Variants in CFI observed in about 807,000 individuals in gnomAD.
The protein encoded by CFI is complement factor I, also known as C3B/C4B inactivator.
Under a neutral mutation model 78.8 loss-of-function variants are expected in CFI, and 66 were observed. The observed-to-expected ratio is 0.84, with a 90% CI of 0.69 to 1.03. The LOEUF (loss-of-function observed/expected upper bound fraction) is 1.03, where lower values mean the gene tolerates loss of function less well. Among genes scored for constraint, CFI ranks in the 50% least tolerant of loss-of-function variants. The probability of loss-of-function intolerance (pLI) is 0.00; values close to 1 mark genes in which losing one functional copy is unlikely to be tolerated. For synonymous variants in CFI, 250 were observed against 232.6 expected (o/e 1.07, Z -0.68); for missense variants, 706 against 704.5 (o/e 1.00, Z -0.02).
At chr4:109,777,427 G>A (rs1041571986) in intron 1 of CFI, among the ~76,000 whole-genome samples, 3 of 152,276 alleles carry the variant, frequency 2.0e-5, no homozygotes, top group Admixed American at 6.5e-5. Flanking sequence ...AACAAGAAGA[G>A]CTAACTATCC....
intron 1 of CFI, among the ~76,000 whole-genome samples, chr4:109,792,796 A>T (rs949590823): frequency 6.6e-6 from 1 of 152,072 alleles, no homozygotes; most frequent in Non-Finnish European, 1.5e-5. Context: ...TAGCCACTTT[A>T]GCTCTTTTTT....
At chr4:109,763,144 A>G (rs1443621390) in intron 3 of CFI, among the ~76,000 whole-genome samples, 1 of 152,166 alleles carries the variant, frequency 6.6e-6, no homozygotes, top group Non-Finnish European at 1.5e-5. Context: ...CTGAGTAAGC[A>G]TTGCCTTAAT....
intron 3 of CFI, chr4:109,762,403 ATT>A (rs1727197259): frequency 6.6e-6 from 1 of 152,192 alleles, no homozygotes; most frequent in Non-Finnish European, 1.5e-5. Context: ...TCTGTGTGCC[ATT>A]GCTTGGACTT....
At chr4:109,758,680 G>A (rs1270498203) in intron 6 of CFI, among the ~76,000 whole-genome samples, 2 of 152,184 alleles carry the variant, frequency 1.3e-5, no homozygotes, top group Admixed American at 1.3e-4. Flanking sequence ...AAGATTGTGG[G>A]GCACTTTGAA....
At position 109,766,732 on chromosome 4, in the gene CFI, T is replaced by A; in HGVS notation, c.150A>T (p.Pro50=). 1.2e-6 allele frequency: 2 copies of A among 1,614,074 alleles called. No homozygotes were observed. The highest frequency in any genetic ancestry group is 1.7e-6 in the Non-Finnish European group (2 of 1,179,914). Residue 50 remains proline (P), a synonymous_variant, in exon 2 of 13, where the codon CCA becomes CCT. Transcript: ENST00000394634. ...AGGTGCCCTCAATGCATCTCTGCCA[T>A]GGCTGGCAGAAGACTTTATCGCAGG... is the stretch of plus-strand genomic sequence containing the variant. ...HLSCDKVFCQ[P]WQRCIEGTCV... is the part of the protein sequence containing the mutation.
chr4:109,784,106 G>T (rs1034006841), intron 1 of CFI, among the ~76,000 whole-genome samples: 3 of 151,660 alleles, frequency 2.0e-5, no homozygotes, highest in African/African-American at 7.3e-5. Context: ...GGTGATGGGT[G>T]CACCAAAATC....
intron 4 of CFI, 94 bp downstream of exon 4, chr4:109,761,423 G>T: frequency 8.2e-7 from 1 of 1,217,352 alleles, no homozygotes; most frequent in Non-Finnish European, 1.2e-6. Context: ...CTCTGTGACT[G>T]GCAACGAGGC....
rs539025294 is a variant in CFI, at chr4:109,786,041, T to TAA, written c.57+15872_57+15873dup. On this transcript the variant is annotated intron_variant, in intron 1 of 12. Coordinates refer to ENST00000394634, the MANE Select transcript of CFI (RefSeq NM_000204.5). ...TACAATGGGCTTTTAAAAAATTCTTTAAAAAAAAAACAAAAAAAACCAAAG... is the reference window on the plus strand; with the variant it reads ...TACAATGGGCTTTTAAAAAATTCTTTAAAAAAAAAAAACAAAAAAAACCAAAG... Among the ~76,000 whole-genome samples the TAA allele has an allele frequency of 2.0e-5, 3 of 147,930 alleles. No homozygotes were observed. In the East Asian group the frequency reaches 5.9e-4, roughly 29 times the overall value.
At chr4:109,736,080 CACTCCACT>C (rs199638721), downstream of CFI, among the ~76,000 whole-genome samples, 485 of 152,342 alleles carry the variant, frequency 3.2e-3, 25 homozygotes, top group South Asian at 0.054. Flanking sequence ...TTATGACCTT[CACTCCACT>C]ACTTAGATAA....
intron 6 of CFI, among the ~76,000 whole-genome samples, chr4:109,758,118 G>A (rs1207783169): frequency 6.6e-6 from 1 of 152,046 alleles, no homozygotes; most frequent in African/African-American, 2.4e-5. Context: ...GTAAACTGAA[G>A]TAACAATGAT....
chr4:109,797,819 A>G (rs1732254444), intron 1 of CFI, among the ~76,000 whole-genome samples: 1 of 152,224 alleles, frequency 6.6e-6, no homozygotes, highest in African/African-American at 2.4e-5. Flanking sequence ...AAAGGTGTTT[A>G]ATATCACTAA....
intron 1 of CFI, among the ~76,000 whole-genome samples, chr4:109,789,857 T>C (rs1385174172): frequency 8.5e-5 from 13 of 152,122 alleles, no homozygotes; most frequent in Admixed American, 8.5e-4. Flanking sequence ...TTCCCTCCTC[T>C]TTACCTTTTG....
chr4:109,768,828 A>G (rs940611396), intron 1 of CFI, among the ~76,000 whole-genome samples: 25 of 152,228 alleles, frequency 1.6e-4, no homozygotes, highest in African/African-American at 5.8e-4. Flanking sequence ...ACCATGCAAA[A>G]CCTTGCAAGG....
chr4:109,752,752 T>C (rs984433396), intron 7 of CFI, among the ~76,000 whole-genome samples: 6 of 149,828 alleles, frequency 4.0e-5, no homozygotes, highest in African/African-American at 1.5e-4. Flanking sequence ...TTGGTACTAG[T>C]GAATGTTGAG....
chr4:109,781,623 G>A (rs555372512), intron 1 of CFI, among the ~76,000 whole-genome samples: 49 of 152,092 alleles, frequency 3.2e-4, no homozygotes, highest in African/African-American at 1.0e-3. Context: ...TATTCCACAA[G>A]ATAGAGAAAG....
chr4:109,798,047 T>C (rs982565015), intron 1 of CFI, among the ~76,000 whole-genome samples: 1 of 152,162 alleles, frequency 6.6e-6, no homozygotes, highest in African/African-American at 2.4e-5. Flanking sequence ...TGGATGAACC[T>C]AGAGGACATT....
chr4:109,796,416 G>A (rs1482926691), intron 1 of CFI, among the ~76,000 whole-genome samples: 2 of 152,154 alleles, frequency 1.3e-5, no homozygotes, highest in Non-Finnish European at 2.9e-5. Flanking sequence ...ATGATAAACA[G>A]CAACACTAAA....
chr4:109,763,940 C>T (rs7674237), intron 3 of CFI, among the ~76,000 whole-genome samples: 144,873 of 149,232 alleles, frequency 0.97, 70,460 homozygotes, highest in Non-Finnish European at 1. Flanking sequence ...AGAAGATATT[C>T]TGAACCAAAC....
intron 1 of CFI, among the ~76,000 whole-genome samples, chr4:109,789,616 C>A (rs750936414): frequency 1.3e-5 from 2 of 151,958 alleles, no homozygotes; most frequent in Admixed American, 1.3e-4. Flanking sequence ...TTTTTAGACA[C>A]ACAAAAGCTG....
Sources: gnomAD v4.1 joint callset for allele counts (sites outside exome capture counted in the v4.1 genomes callset) on GRCh38, gnomAD v4.1.1 for gene constraint, MANE v1.5 for transcripts, NCBI Gene and HGNC (gene_info 2026-07-23, HGNC 2026-07-21) for gene names.